The following P2RX3 variants were observed in gnomAD, a reference collection of about 807,000 sequenced individuals.
The protein encoded by P2RX3 is purinergic receptor P2X 3.
Under a neutral mutation model 51.5 loss-of-function variants are expected in P2RX3, and 41 were observed. The observed-to-expected ratio is 0.80, with a 90% CI of 0.62 to 1.03. The LOEUF is 1.03. P2RX3 is among the 50% of genes least tolerant of loss of function. The pLI is 0.00. For synonymous variants in P2RX3, 185 were observed against 191.6 expected (o/e 0.97, Z 0.29); for missense variants, 459 against 522.1 (o/e 0.88, Z 1.18).
chr11:57,347,608 C>T (rs1856463375), intron 4 of P2RX3, 130 bp downstream of exon 4: 3 of 1,019,018 alleles, frequency 2.9e-6, no homozygotes, highest in Non-Finnish European at 1.5e-6. Context: ...CAGTTGCTCC[C>T]TGGGTGCCAC....
rs1027043168 is a variant in P2RX3 at position 57,372,198 on chromosome 11, G to A, written c.*2201G>A. Among the ~76,000 whole-genome samples, 1 of 152,190 alleles carries A rather than the reference G, an allele frequency of 6.6e-6. No homozygotes were observed. Among genetic ancestry groups the A allele is most frequent in the Non-Finnish European group, 1.5e-5 (1 of 68,024 alleles). ...TATTTGATAGAAAAAGAAATTTACA[G>A]TACGTGGAAATGAGATCTGGAACCT... is the stretch of plus-strand genomic sequence containing the variant. On this transcript the variant is annotated 3_prime_UTR_variant, in exon 12 of 12. Coordinates refer to ENST00000263314, the MANE Select transcript of P2RX3 (RefSeq NM_002559.5).
chr11:57,352,663 T>C (rs553898342), intron 8 of P2RX3, among the ~76,000 whole-genome samples: 2 of 152,320 alleles, frequency 1.3e-5, no homozygotes, highest in Non-Finnish European at 2.9e-5. Context: ...AAATAAGAAT[T>C]GGTCTGGAGT....
chr11:57,346,476 C>T, intron 1 of P2RX3, 68 bp from the exon 2 acceptor site: 2 of 1,570,514 alleles, frequency 1.3e-6, no homozygotes, highest in Non-Finnish European at 1.7e-6. Flanking sequence ...AAGGTGACCT[C>T]TCCCAGCTTC....
intron 8 of P2RX3, among the ~76,000 whole-genome samples, chr11:57,355,437 T>A (rs1590632986): frequency 6.7e-6 from 1 of 149,340 alleles, no homozygotes; most frequent in Non-Finnish European, 1.5e-5. Flanking sequence ...ACCTCCCGGG[T>A]TGATGCAATT....
intron 1 of P2RX3, among the ~76,000 whole-genome samples, chr11:57,346,096 G>A (rs1477915676): frequency 1.3e-5 from 2 of 152,194 alleles, no homozygotes; most frequent in African/African-American, 4.8e-5. Flanking sequence ...AGAGGCCTGG[G>A]ATCCTCTGTC....
At chr11:57,346,700 G>C (rs1216843158) in intron 2 of P2RX3, 21 bp downstream of exon 2, 2 of 1,611,698 alleles carry the variant, frequency 1.2e-6, no homozygotes, top group Non-Finnish European at 1.7e-6. Context: ...CCTACCCAGA[G>C]AGGCATGTGG....
Position 57,346,075 on chromosome 11 carries a change from T to A in P2RX3, c.120-469T>A, listed in dbSNP as rs1048337398. Among the ~76,000 whole-genome samples the A allele has an allele frequency of 5.3e-5, 8 of 152,160 alleles. No homozygotes were observed. In the South Asian group the frequency reaches 1.0e-3, roughly 20 times the overall value. ...GTACAGCCGTGGGCCAAGGCTGGAA[T>A]GCATGGGAGCAGAGGCCTGGGATCC... is the stretch of plus-strand genomic sequence containing the variant. On this transcript the variant is annotated intron_variant, in intron 1 of 11. Transcript: ENST00000263314.
At chr11:57,365,593 A>T (rs887929094) in intron 8 of P2RX3, among the ~76,000 whole-genome samples, 6 of 152,002 alleles carry the variant, frequency 3.9e-5, no homozygotes, top group African/African-American at 1.4e-4. Flanking sequence ...CAAGAATCTC[A>T]ATGGTGTTCG....
intron 9 of P2RX3, 49 bp downstream of exon 9, chr11:57,368,151 A>G: frequency 1.3e-6 from 2 of 1,565,878 alleles, no homozygotes; most frequent in South Asian, 2.2e-5. Context: ...GGCAGCCCAG[A>G]CCACCTCTCG....
In P2RX3 at chr11:57,349,936, C is replaced by T. The variant is rs1856513559; in HGVS notation, c.705+38C>T. The T allele has an allele frequency of 3.1e-6, 5 of 1,610,964 alleles. No homozygotes were observed. In the South Asian group the frequency reaches 5.5e-5, roughly 18 times the overall value. ...CCATTCTTCCGCGACCCCAAACTCC[C>T]CACCTTCAGCCCTTTCCCAGATTTC... On this transcript the variant is annotated intron_variant, in intron 7 of 11. Coordinates refer to ENST00000263314, the MANE Select transcript of P2RX3 (RefSeq NM_002559.5).
intron 8 of P2RX3, among the ~76,000 whole-genome samples, chr11:57,351,692 C>G (rs1049630672): frequency 5.9e-5 from 9 of 152,164 alleles, no homozygotes; most frequent in Non-Finnish European, 5.9e-5. Flanking sequence ...TTTTGTTTCT[C>G]TCTTCTTTTT....
chr11:57,361,760 G>C (rs1018634645), intron 8 of P2RX3, among the ~76,000 whole-genome samples: 6 of 152,174 alleles, frequency 3.9e-5, no homozygotes, highest in Non-Finnish European at 8.8e-5. Flanking sequence ...ATGCATGCAT[G>C]TATCTTTATA....
chr11:57,346,429 C>A (rs1271302208), intron 1 of P2RX3, 115 bp from the exon 2 acceptor site: 1 of 1,319,762 alleles, frequency 7.6e-7, no homozygotes, highest in Non-Finnish European at 1.1e-6. Context: ...AAGGAACCAT[C>A]CGCACACCCT....
intron 8 of P2RX3, among the ~76,000 whole-genome samples, chr11:57,354,370 T>C (rs774621160): frequency 1.3e-5 from 2 of 152,170 alleles, no homozygotes; most frequent in African/African-American, 2.4e-5. Flanking sequence ...TTATGAAGCC[T>C]CTTTCTAAGC....
intron 8 of P2RX3, among the ~76,000 whole-genome samples, chr11:57,355,227 C>T (rs966360496): frequency 6.6e-6 from 1 of 152,102 alleles, no homozygotes; most frequent in Admixed American, 6.5e-5. Flanking sequence ...TCTCTAACTG[C>T]TTTATGCCCC....
At chr11:57,369,814 T>C in intron 11 of P2RX3, 70 bp from the exon 12 acceptor site, 3 of 1,141,150 alleles carry the variant, frequency 2.6e-6, no homozygotes, top group Non-Finnish European at 3.9e-6. Context: ...GCTGAGTCTG[T>C]CAAATGGGGT....
chr11:57,365,551 T>C (rs778658383), intron 8 of P2RX3, among the ~76,000 whole-genome samples: 5 of 152,218 alleles, frequency 3.3e-5, no homozygotes, highest in Non-Finnish European at 7.3e-5. Flanking sequence ...GGACAGAGAA[T>C]GGCTGTGGAG....
chr11:57,348,545 C>A, intron 5 of P2RX3, 82 bp from the exon 6 acceptor site: 1 of 1,209,142 alleles, frequency 8.3e-7, no homozygotes, highest in Non-Finnish European at 1.2e-6. Flanking sequence ...AGGCATCCAC[C>A]AGGAAAGGTC....
intron 8 of P2RX3, among the ~76,000 whole-genome samples, chr11:57,359,845 C>G (rs1856687897): frequency 1.3e-5 from 2 of 152,220 alleles, no homozygotes; most frequent in Admixed American, 6.5e-5. Context: ...CCTGTAAAAT[C>G]AGGCATGTTG....
Sources: allele counts gnomAD v4.1 joint callset (sites outside exome capture counted in the v4.1 genomes callset), GRCh38; gene constraint gnomAD v4.1.1; transcripts MANE v1.5; gene names NCBI Gene and HGNC (gene_info 2026-07-23, HGNC 2026-07-21).